PDE3B: variants seen among roughly 807,000 people sequenced by gnomAD.
PDE3B encodes cGMP-inhibited 3',5'-cyclic phosphodiesterase 3B.
PDE3B carries 66 observed loss-of-function variants against 116.8 expected under a neutral mutation model. The ratio of observed to expected loss-of-function variants is 0.56; its 90% CI spans 0.46 to 0.69. PDE3B has a LOEUF of 0.69. PDE3B is among the 30% of genes least tolerant of loss of function. The pLI is 0.00. For synonymous variants in PDE3B, 595 were observed against 533.6 expected, an observed-to-expected ratio of 1.12 and a Z score of -1.59; for missense variants, 1,384 against 1,368.1, an observed-to-expected ratio of 1.01 and a Z score of -0.18.
intron 1 of PDE3B, among the ~76,000 whole-genome samples, chr11:14,708,462 A>G (rs1178734147): frequency 6.6e-6 from 1 of 152,124 alleles, no homozygotes; most frequent in Non-Finnish European, 1.5e-5. Context: ...ATATATAAGT[A>G]TTTAAATGTG....
At chr11:14,851,378 A>G (rs1301766249) in intron 12 of PDE3B, among the ~76,000 whole-genome samples, 2 of 151,118 alleles carry the variant, frequency 1.3e-5, no homozygotes, top group Non-Finnish European at 2.9e-5. Flanking sequence ...TTTTTCTTCA[A>G]TCTCTTTCAT....
chr11:14,724,901 T>C (rs757089618), intron 1 of PDE3B, among the ~76,000 whole-genome samples: 7 of 152,220 alleles, frequency 4.6e-5, no homozygotes, highest in Non-Finnish European at 1.0e-4. Context: ...GTGCCTATTA[T>C]ATACCAGGCA....
intron 1 of PDE3B, among the ~76,000 whole-genome samples, chr11:14,748,930 C>T (rs1856985240): frequency 6.6e-6 from 1 of 150,762 alleles, no homozygotes; most frequent in South Asian, 2.1e-4. Flanking sequence ...GCTCTTTTGC[C>T]CAGGCTGGAG....
chr11:14,818,441 A>G, intron 6 of PDE3B, 48 bp downstream of exon 6: 2 of 1,277,548 alleles, frequency 1.6e-6, no homozygotes, highest in Non-Finnish European at 2.3e-6. Flanking sequence ...TGTTGATTAC[A>G]GTTAAGTCCT....
At chr11:14,868,149 G>A (rs1555008406) in intron 15 of PDE3B, among the ~76,000 whole-genome samples, 1 of 152,072 alleles carries the variant, frequency 6.6e-6, no homozygotes, top group Admixed American at 6.5e-5. Flanking sequence ...CCGGGTACTG[G>A]GTGAATACTG....
chr11:14,840,947 G>T (rs1860203184), intron 11 of PDE3B, among the ~76,000 whole-genome samples: 1 of 152,172 alleles, frequency 6.6e-6, no homozygotes, highest in Admixed American at 6.5e-5. Context: ...TGTTTGCGAT[G>T]TGAATGCTTA....
At chr11:14,674,017 T>C in intron 1 of PDE3B, 1 of 1,429,688 alleles carries the variant, frequency 7.0e-7, no homozygotes, top group Non-Finnish European at 9.9e-7. Flanking sequence ...TTAAAAGAGC[T>C]GTTTTCGTCT....
rs538461343 is a variant in PDE3B at position 14,769,622 on chromosome 11, G to A, written c.979-2315G>A. 1.8e-3 allele frequency among the ~76,000 whole-genome samples: 257 copies of A among 145,914 alleles called. 1 individual carries two copies. Among genetic ancestry groups the A allele is most frequent in the African/African-American group, 5.9e-3 (237 of 40,154 alleles). ...ATATATATATATATATATTTATATT[G>A]TATATACATATGTAAAATATATGTA... On this transcript the variant is annotated intron_variant, in intron 1 of 15. Coordinates refer to ENST00000282096, the MANE Select transcript of PDE3B (RefSeq NM_000922.4).
the PDE3B span, among the ~76,000 whole-genome samples, chr11:14,877,190 T>C: frequency 2.6e-5 from 4 of 152,180 alleles, no homozygotes; most frequent in African/African-American, 9.6e-5. Context: ...TAATTTACCC[T>C]TGTTGTCCTG....
intron 5 of PDE3B, among the ~76,000 whole-genome samples, chr11:14,817,577 C>G (rs1859373834): frequency 6.6e-6 from 1 of 152,040 alleles, no homozygotes; most frequent in African/African-American, 2.4e-5. Flanking sequence ...TCTTGAAACC[C>G]TGTCTCTACA....
intron 12 of PDE3B, among the ~76,000 whole-genome samples, chr11:14,854,196 C>T (rs1338534827): frequency 1.3e-5 from 2 of 152,128 alleles, no homozygotes; most frequent in African/African-American, 4.8e-5. Flanking sequence ...ACCATTTGCT[C>T]CTGCTTGCTC....
intron 4 of PDE3B, among the ~76,000 whole-genome samples, chr11:14,797,226 C>T (rs1006475537): frequency 7.2e-5 from 11 of 152,098 alleles, no homozygotes; most frequent in African/African-American, 2.7e-4. Flanking sequence ...GTCTATATAT[C>T]GGTTTGGTAC....
At chr11:14,836,270 G>A (rs917001926) in intron 11 of PDE3B, among the ~76,000 whole-genome samples, 1 of 151,998 alleles carries the variant, frequency 6.6e-6, no homozygotes, top group African/African-American at 2.4e-5. Flanking sequence ...CCATAATCTT[G>A]TGACTTTCAC....
At chr11:14,676,706 T>TAAA (rs1854541866) in intron 1 of PDE3B, among the ~76,000 whole-genome samples, 1 of 152,212 alleles carries the variant, frequency 6.6e-6, no homozygotes, top group East Asian at 1.9e-4. Context: ...GTTCATTATG[T>TAAA]GGCATGTCAC....
intron 5 of PDE3B, among the ~76,000 whole-genome samples, chr11:14,815,412 T>C (rs1453652948): frequency 6.6e-6 from 1 of 152,120 alleles, no homozygotes; most frequent in Non-Finnish European, 1.5e-5. Context: ...GCTGCCAAGC[T>C]CATTCAGGTT....
chr11:14,725,329 T>TTTTCTTTC (rs111476527), intron 1 of PDE3B, among the ~76,000 whole-genome samples: 76 of 123,274 alleles, frequency 6.2e-4, no homozygotes, highest in African/African-American at 2.3e-3. Context: ...CTTTCTTTCT[T>TTTTCTTTC]TTTCTTTCTT....
At position 14,657,706 on chromosome 11, in the gene PDE3B, A is replaced by G. The variant is rs188257358; in HGVS notation, c.978+12653A>G. On this transcript the variant is annotated intron_variant, in intron 1 of 15. Transcript: ENST00000282096. Reference sequence around the variant, plus strand: ...CATTCTGCTAGGAGCTATAAAGGCTATGAAAAAGAATCACATAATGTCATT... The same window carrying G: ...CATTCTGCTAGGAGCTATAAAGGCTGTGAAAAAGAATCACATAATGTCATT... Among the ~76,000 whole-genome samples, 9 of 152,334 alleles carry G rather than the reference A, an allele frequency of 5.9e-5. No homozygotes were observed. In the East Asian group the frequency reaches 1.7e-3, roughly 29 times the overall value.
At chr11:14,766,518 A>G (rs1857502665) in intron 1 of PDE3B, among the ~76,000 whole-genome samples, 1 of 151,660 alleles carries the variant, frequency 6.6e-6, no homozygotes, top group Admixed American at 6.6e-5. Flanking sequence ...TTACTTTTAA[A>G]TATTTTATTT....
At chr11:14,723,837 G>A (rs748099304) in intron 1 of PDE3B, among the ~76,000 whole-genome samples, 3 of 152,046 alleles carry the variant, frequency 2.0e-5, no homozygotes. Flanking sequence ...ACTGAAAGAA[G>A]GGCAACAAGG....
Sources: allele counts gnomAD v4.1 joint callset (sites outside exome capture counted in the v4.1 genomes callset), GRCh38; gene constraint gnomAD v4.1.1; transcripts MANE v1.5; gene names NCBI Gene and HGNC (gene_info 2026-07-23, HGNC 2026-07-21).